LTBP1: variants seen among roughly 807,000 people sequenced by gnomAD.
LTBP1 encodes the protein latent-transforming growth factor beta-binding protein 1.
A neutral mutation model predicts 207.6 loss-of-function variants in LTBP1; 129 were observed. That is an observed-to-expected ratio of 0.62 (90% CI 0.54 to 0.72). LTBP1 has a LOEUF of 0.72. Ranked by LOEUF, LTBP1 falls within the 30% of genes least tolerant of loss-of-function variation. The probability of loss-of-function intolerance (pLI) is 0.00; values close to 1 mark genes in which losing one functional copy is unlikely to be tolerated. For synonymous variants in LTBP1, 963 were observed against 833.7 expected, an observed-to-expected ratio of 1.16 and a Z score of -2.67; for missense variants, 2,281 against 2,217.2, an observed-to-expected ratio of 1.03 and a Z score of -0.58.
chr2:33,238,673 C>A (rs1025387923), intron 9 of LTBP1, among the ~76,000 whole-genome samples: 2 of 152,132 alleles, frequency 1.3e-5, no homozygotes, highest in African/African-American at 4.8e-5. Flanking sequence ...GTGGAATATT[C>A]CTCCTATTAT....
intron 7 of LTBP1, among the ~76,000 whole-genome samples, chr2:33,191,415 T>C (rs2087861191): frequency 6.6e-6 from 1 of 152,242 alleles, no homozygotes; most frequent in African/African-American, 2.4e-5. Context: ...TCATTTTGCA[T>C]GTGTACTCAC....
At chr2:33,046,246 G>A (rs1157878236) in intron 3 of LTBP1, among the ~76,000 whole-genome samples, 2 of 152,090 alleles carry the variant, frequency 1.3e-5, no homozygotes, top group African/African-American at 4.8e-5. Context: ...TATTGGCTGT[G>A]GGTTTGTCAT....
intron 19 of LTBP1, among the ~76,000 whole-genome samples, chr2:33,283,726 G>A (rs1244643845): frequency 6.6e-6 from 1 of 152,118 alleles, no homozygotes; most frequent in Non-Finnish European, 1.5e-5. Context: ...GTGAGCCACC[G>A]TGCCCGGTCA....
At chr2:33,239,533 TAAATATTA>T (rs921326745) in intron 9 of LTBP1, among the ~76,000 whole-genome samples, 1 of 152,298 alleles carries the variant, frequency 6.6e-6, no homozygotes. Flanking sequence ...TTTTTCAAAC[TAAATATTA>T]AAATACTTTT....
intron 9 of LTBP1, among the ~76,000 whole-genome samples, chr2:33,240,707 G>C (rs946939231): frequency 3.5e-5 from 5 of 142,834 alleles, no homozygotes; most frequent in African/African-American, 1.1e-4. Context: ...CTGGAGTGCA[G>C]TGGCGCGATC....
At chr2:33,374,740 T>C (rs2095115577) in intron 31 of LTBP1, among the ~76,000 whole-genome samples, 1 of 152,132 alleles carries the variant, frequency 6.6e-6, no homozygotes, top group South Asian at 2.1e-4. Flanking sequence ...GATTCTGAGG[T>C]CAGGAGTTCG....
intron 22 of LTBP1, among the ~76,000 whole-genome samples, chr2:33,306,367 C>T (rs2094093877): frequency 6.6e-6 from 1 of 151,092 alleles, no homozygotes; most frequent in Non-Finnish European, 1.5e-5. Context: ...GTCAGGAGTT[C>T]GAGACCAGCC....
chr2:33,094,529 G>A (rs977451264), intron 3 of LTBP1, among the ~76,000 whole-genome samples: 3 of 152,194 alleles, frequency 2.0e-5, no homozygotes, highest in African/African-American at 7.2e-5. Flanking sequence ...TCTGAACACT[G>A]CTTTTCATCG....
At chr2:33,350,582 T>G (rs903798960) in intron 26 of LTBP1, among the ~76,000 whole-genome samples, 1 of 152,240 alleles carries the variant, frequency 6.6e-6, no homozygotes, top group Non-Finnish European at 1.5e-5. Flanking sequence ...TAAACTTTCT[T>G]GCTTCCCACA....
At chr2:33,341,583 T>C (rs1290712730) in intron 24 of LTBP1, among the ~76,000 whole-genome samples, 2 of 150,904 alleles carry the variant, frequency 1.3e-5, no homozygotes, top group South Asian at 4.2e-4. Flanking sequence ...TGGTGGCGAG[T>C]GCCTGTAGTC....
At chr2:33,308,708 CA>C (rs2094136379) in intron 22 of LTBP1, among the ~76,000 whole-genome samples, 1 of 152,120 alleles carries the variant, frequency 6.6e-6, no homozygotes, top group Admixed American at 6.6e-5. Flanking sequence ...AATACAATAT[CA>C]TTTGTTTATT....
At chr2:33,201,328 G>C (rs896906395) in intron 7 of LTBP1, among the ~76,000 whole-genome samples, 2 of 152,054 alleles carry the variant, frequency 1.3e-5, no homozygotes, top group Non-Finnish European at 2.9e-5. Flanking sequence ...TCCTTTGTAG[G>C]GACAGGGATG....
At chr2:33,140,189 C>G (rs1055552211) in intron 5 of LTBP1, among the ~76,000 whole-genome samples, 6 of 152,138 alleles carry the variant, frequency 3.9e-5, no homozygotes, top group Admixed American at 2.6e-4. Flanking sequence ...AGAAGCAGTT[C>G]GTGCTGCTAA....
At chr2:33,137,530 T>C (rs2082243399) in intron 5 of LTBP1, among the ~76,000 whole-genome samples, 1 of 152,234 alleles carries the variant, frequency 6.6e-6, no homozygotes, top group Non-Finnish European at 1.5e-5. Context: ...TGAACAAGAA[T>C]AGGTGTGGCT....
At chr2:33,073,842 G>T (rs2077933412) in intron 3 of LTBP1, among the ~76,000 whole-genome samples, 1 of 152,162 alleles carries the variant, frequency 6.6e-6, no homozygotes, top group South Asian at 2.1e-4. Context: ...GGCCAGGCTG[G>T]TCTCAAACTC....
chr2:33,351,613 G>A (rs2094782878), intron 26 of LTBP1, among the ~76,000 whole-genome samples: 1 of 152,156 alleles, frequency 6.6e-6, no homozygotes, highest in South Asian at 2.1e-4. Flanking sequence ...TTGACCTTCA[G>A]TGCACTGAAA....
chr2:33,033,956 A>G (rs1369569378), intron 3 of LTBP1, among the ~76,000 whole-genome samples: 3 of 152,188 alleles, frequency 2.0e-5, no homozygotes, highest in Non-Finnish European at 4.4e-5. Flanking sequence ...TGTTTGCCAT[A>G]TAAGCCTCTC....
chr2:33,311,880 C>T (rs1159166591), intron 23 of LTBP1, among the ~76,000 whole-genome samples: 1 of 152,116 alleles, frequency 6.6e-6, no homozygotes, highest in Non-Finnish European at 1.5e-5. Context: ...AAATTGACTT[C>T]GTTCTCTGTC....
rs1458788993 is a variant in LTBP1, at chr2:33,209,060, A to G, written c.1702-8492A>G. 2.6e-5 allele frequency among the ~76,000 whole-genome samples: 4 copies of G among 151,714 alleles called. No homozygotes were observed. The East Asian group carries it at 7.8e-4, about 30-fold the overall frequency. Reference sequence around the variant, plus strand: ...TTTTTTGTGTGTGTTTTTAGTAGAGACTGGGTTTCACCATGTTGGCCAGGC... The same window carrying G: ...TTTTTTGTGTGTGTTTTTAGTAGAGGCTGGGTTTCACCATGTTGGCCAGGC... On this transcript the variant is annotated intron_variant, in intron 7 of 33. Coordinates refer to ENST00000404816, the MANE Select transcript of LTBP1 (RefSeq NM_206943.4).
Sources: allele counts gnomAD v4.1 joint callset (sites outside exome capture counted in the v4.1 genomes callset), GRCh38; gene constraint gnomAD v4.1.1; transcripts MANE v1.5; gene names NCBI Gene and HGNC (gene_info 2026-07-23, HGNC 2026-07-21).